Variants in DSE observed in about 807,000 individuals in gnomAD.
DSE encodes dermatan-sulfate epimerase.
In DSE, 36 loss-of-function variants were observed where a neutral mutation model predicts 84.4. That is an observed-to-expected ratio of 0.43 (90% CI 0.33 to 0.56). The LOEUF is 0.56. DSE is among the 20% of genes least tolerant of loss of function. The probability of loss-of-function intolerance (pLI) is 0.06; values close to 1 mark genes in which losing one functional copy is unlikely to be tolerated. For missense variants in DSE, 862 were observed against 1,169.6 expected, an observed-to-expected ratio of 0.74 and a Z score of 3.84; for synonymous variants, 410 against 430.1, an observed-to-expected ratio of 0.95 and a Z score of 0.58.
upstream of DSE, chr6:116,369,799 C>T (rs943232057): frequency 8.1e-6 from 6 of 741,908 alleles, no homozygotes; most frequent in African/African-American, 9.2e-5. Flanking sequence ...GAGACATCCA[C>T]ATTTTTTCCT....
Position 116,299,396 on chromosome 6 carries a change from A to G in DSE, c.-54+40429A>G, listed in dbSNP as rs561487514. On this transcript the variant is annotated intron_variant, in intron 2 of 3. Coordinates refer to the DSE transcript ENST00000430252. The stretch of plus-strand genomic sequence containing the variant: ...AATTTGAGCCAATTAGAAGTTATCT[A>G]TAATTAATTATGAGTTTAGAAAGCT... Among the ~76,000 whole-genome samples, 8 of 151,598 alleles carry G rather than the reference A, an allele frequency of 5.3e-5. 1 individual carries two copies. The East Asian group carries it at 1.4e-3, about 26-fold the overall frequency.
At chr6:116,313,803 G>C (rs972005155) in intron 2 of DSE, among the ~76,000 whole-genome samples, 10 of 152,004 alleles carry the variant, frequency 6.6e-5, no homozygotes, top group Non-Finnish European at 1.5e-4. Flanking sequence ...TAACTTTTTT[G>C]GTTTTAAGTT....
chr6:116,375,584 A>G (rs1200641289), intron 1 of DSE: 1 of 981,414 alleles, frequency 1.0e-6, no homozygotes, highest in Non-Finnish European at 1.2e-6. Flanking sequence ...ACTTCTAGTT[A>G]TGTATAGAAG....
intron 3 of DSE, among the ~76,000 whole-genome samples, chr6:116,427,510 C>T (rs1029330012): frequency 6.6e-6 from 1 of 152,134 alleles, no homozygotes; most frequent in African/African-American, 2.4e-5. Flanking sequence ...GAATTTAACT[C>T]GATTATACTC....
intron 2 of DSE, among the ~76,000 whole-genome samples, chr6:116,348,901 C>G (rs2114845087): frequency 6.6e-6 from 1 of 151,808 alleles, no homozygotes; most frequent in East Asian, 1.9e-4. Flanking sequence ...CACATGTTCT[C>G]ACTCATAGGT....
chr6:116,356,410 A>C (rs530381622), intron 2 of DSE, among the ~76,000 whole-genome samples: 1 of 152,324 alleles, frequency 6.6e-6, no homozygotes, highest in Admixed American at 6.5e-5. Flanking sequence ...ACTTACACTA[A>C]AACCATAATG....
At chr6:116,354,945 A>G (rs1562249959) in intron 2 of DSE, among the ~76,000 whole-genome samples, 1 of 152,200 alleles carries the variant, frequency 6.6e-6, no homozygotes, top group African/African-American at 2.4e-5. Flanking sequence ...AAATACGCCA[A>G]ATTTGACACT....
chr6:116,288,615 G>C (rs1194175063), intron 2 of DSE: 1 of 152,062 alleles, frequency 6.6e-6, no homozygotes, highest in Non-Finnish European at 1.5e-5. Context: ...ATAGGCACTA[G>C]CCATATGTGT....
intron 2 of DSE, among the ~76,000 whole-genome samples, chr6:116,416,129 A>G (rs182619853): frequency 2.0e-5 from 3 of 152,252 alleles, no homozygotes; most frequent in Admixed American, 2.0e-4. Flanking sequence ...TTCTTCCTCC[A>G]TGGTCACATC....
chr6:116,310,426 A>G (rs1434196392), intron 2 of DSE, among the ~76,000 whole-genome samples: 1 of 151,748 alleles, frequency 6.6e-6, no homozygotes, highest in Non-Finnish European at 1.5e-5. Context: ...ATTCACGATA[A>G]TCTCCATCCA....
At chr6:116,278,592 T>A (rs777781994) in intron 2 of DSE, 1 of 1,614,152 alleles carries the variant, frequency 6.2e-7, no homozygotes, top group Admixed American at 1.7e-5. Flanking sequence ...CTCTACGGAC[T>A]CCTTCACGCA....
At chr6:116,260,973 T>G (rs546978025) in intron 2 of DSE, among the ~76,000 whole-genome samples, 41 of 152,326 alleles carry the variant, frequency 2.7e-4, no homozygotes, top group African/African-American at 9.4e-4. Flanking sequence ...TGGGCTCTTT[T>G]TGGCTTCCAT....
intron 2 of DSE, among the ~76,000 whole-genome samples, chr6:116,338,915 G>T (rs903354985): frequency 3.3e-5 from 5 of 152,148 alleles, no homozygotes; most frequent in African/African-American, 9.7e-5. Context: ...GGTCCATGTG[G>T]AACTACAAGT....
In DSE at chr6:116,433,490, A is replaced by C; in HGVS notation, c.1058A>C (p.Glu353Ala). 6.4e-7 allele frequency: 1 copy of C among 1,564,602 alleles called. No individual in the cohort carries two copies. The highest frequency in any genetic ancestry group is 1.2e-5 in the South Asian group (1 of 85,016). The change falls in exon 5 of 6, where the codon GAA becomes GCA. Residue 353 changes from glutamate to alanine, a missense_variant. By Grantham distance (107) the Glu-to-Ala change is moderately radical. This residue lies in a region of DSE where 309 missense variants were observed against 516.9 expected (regional missense o/e 0.60). Coordinates refer to ENST00000644252, the MANE Select transcript of DSE (RefSeq NM_013352.4). ...CAAATCAGAAGGAACCGTGTGGTGG[A>C]AGGTCCAGGAACACCATCCAAAGGG... The part of the protein sequence containing the change: ...ADQIRRNRVV[E>A]GPGTPSKGQR...
intron 1 of DSE, among the ~76,000 whole-genome samples, chr6:116,374,738 C>G (rs919178871): frequency 9.2e-5 from 14 of 152,130 alleles, no homozygotes; most frequent in African/African-American, 3.4e-4. Flanking sequence ...CATGCTAGCT[C>G]AGGTTTCTCT....
intron 2 of DSE, among the ~76,000 whole-genome samples, chr6:116,270,855 T>A (rs1772849157): frequency 6.6e-6 from 1 of 152,202 alleles, no homozygotes; most frequent in Non-Finnish European, 1.5e-5. Context: ...CCTAATTGAA[T>A]GCAGCCCATG....
At chr6:116,378,545 C>T (rs1185706458) in intron 1 of DSE, among the ~76,000 whole-genome samples, 3 of 152,026 alleles carry the variant, frequency 2.0e-5, no homozygotes, top group Non-Finnish European at 4.4e-5. Context: ...TGCAAAACTC[C>T]TCCATCCCCT....
At chr6:116,345,906 A>G (rs1157222216) in intron 2 of DSE, among the ~76,000 whole-genome samples, 1 of 152,216 alleles carries the variant, frequency 6.6e-6, no homozygotes, top group African/African-American at 2.4e-5. Context: ...AGAAGAATCA[A>G]ATAGATGGAA....
chr6:116,371,203 G>A, intron 1 of DSE, 82 bp downstream of exon 1: 1 of 985,324 alleles, frequency 1.0e-6, no homozygotes, highest in Non-Finnish European at 1.2e-6. Flanking sequence ...AGCCTTCGGG[G>A]CTGTCCCGGC....
Sources: gnomAD v4.1 joint callset for allele counts (sites outside exome capture counted in the v4.1 genomes callset) on GRCh38, gnomAD v4.1.1 for gene constraint, gnomAD v4.1.1 regional missense constraint, MANE v1.5 for transcripts, NCBI Gene and HGNC (gene_info 2026-07-23, HGNC 2026-07-21) for gene names.